Variants in GALNT17 observed in about 807,000 individuals in gnomAD.
GALNT17 encodes the protein polypeptide N-acetylgalactosaminyltransferase 17.
GALNT17 carries 29 observed loss-of-function variants against 63.7 expected under a neutral mutation model. That is an observed-to-expected ratio of 0.46 (90% CI 0.34 to 0.62). The LOEUF (loss-of-function observed/expected upper bound fraction) is 0.62. Among genes scored for constraint, GALNT17 ranks in the 20% least tolerant of loss-of-function variants. The probability of loss-of-function intolerance (pLI) is 0.01; values close to 1 mark genes in which losing one functional copy is unlikely to be tolerated. For missense variants in GALNT17, 603 were observed against 799.6 expected, an observed-to-expected ratio of 0.75 and a Z score of 2.97; for synonymous variants, 305 against 318.3, an observed-to-expected ratio of 0.96 and a Z score of 0.45.
intron 1 of GALNT17, among the ~76,000 whole-genome samples, chr7:71,261,526 G>A (rs10261734): frequency 0.011 from 1,642 of 152,332 alleles, 22 homozygotes; most frequent in African/African-American, 0.038. Flanking sequence ...AGTGTCAAGA[G>A]ATGCATAGCA....
intron 6 of GALNT17, among the ~76,000 whole-genome samples, chr7:71,662,900 G>T (rs940161789): frequency 5.3e-5 from 8 of 152,154 alleles, no homozygotes; most frequent in African/African-American, 1.9e-4. Flanking sequence ...TATGGTGTGA[G>T]GTAGGAGCCA....
intron 1 of GALNT17, among the ~76,000 whole-genome samples, chr7:71,179,357 T>C (rs1465028890): frequency 6.6e-6 from 1 of 152,248 alleles, no homozygotes; most frequent in East Asian, 1.9e-4. Flanking sequence ...TGTTGATTGA[T>C]GTCTCATGTC....
At chr7:71,631,960 C>A (rs1204801923) in intron 6 of GALNT17, among the ~76,000 whole-genome samples, 2 of 151,856 alleles carry the variant, frequency 1.3e-5, no homozygotes, top group Admixed American at 6.6e-5. Flanking sequence ...GTTGCCCAGG[C>A]TGGTCTCAAA....
intron 9 of GALNT17, among the ~76,000 whole-genome samples, chr7:71,689,199 C>T (rs73354172): frequency 0.052 from 7,925 of 152,100 alleles, 714 homozygotes; most frequent in African/African-American, 0.18. Flanking sequence ...TTCTATTCCC[C>T]GAGACACAGC....
chr7:71,682,173 C>T (rs484625), intron 9 of GALNT17, among the ~76,000 whole-genome samples: 1 of 151,920 alleles, frequency 6.6e-6, no homozygotes, highest in Non-Finnish European at 1.5e-5. Flanking sequence ...GTGATCCACC[C>T]ACCTTGGCCT....
chr7:71,218,031 A>C (rs17593356), intron 1 of GALNT17, among the ~76,000 whole-genome samples: 50,361 of 152,102 alleles, frequency 0.33, 9,325 homozygotes, highest in South Asian at 0.53. Context: ...GTATCGTGCA[A>C]CTTTCAAAAC....
intron 5 of GALNT17, among the ~76,000 whole-genome samples, chr7:71,555,896 T>C (rs1789156065): frequency 6.6e-6 from 1 of 152,208 alleles, no homozygotes; most frequent in African/African-American, 2.4e-5. Flanking sequence ...GCGCTTGAAA[T>C]CCGGGCTTAG....
At chr7:71,287,888 C>G (rs1032775553) in intron 1 of GALNT17, among the ~76,000 whole-genome samples, 6 of 151,590 alleles carry the variant, frequency 4.0e-5, no homozygotes, top group African/African-American at 1.5e-4. Context: ...CCCATCTCCA[C>G]TAAAAACACA....
At chr7:71,224,438 C>G (rs187736153) in intron 1 of GALNT17, among the ~76,000 whole-genome samples, 1 of 152,284 alleles carries the variant, frequency 6.6e-6, no homozygotes, top group East Asian at 1.9e-4. Context: ...GTCATCTAAA[C>G]AAATCATCTC....
At chr7:71,323,267 G>A (rs1791648468) in intron 1 of GALNT17, among the ~76,000 whole-genome samples, 1 of 152,158 alleles carries the variant, frequency 6.6e-6, no homozygotes, top group African/African-American at 2.4e-5. Context: ...GGAATGCAGT[G>A]TACCACAAGG....
intron 9 of GALNT17, among the ~76,000 whole-genome samples, chr7:71,681,682 G>A (rs931456771): frequency 3.3e-5 from 5 of 152,186 alleles, no homozygotes; most frequent in Admixed American, 2.0e-4. Context: ...AGACTTCTTT[G>A]TTCAATCTTC....
At chr7:71,267,497 G>C (rs1790512571) in intron 1 of GALNT17, among the ~76,000 whole-genome samples, 1 of 152,010 alleles carries the variant, frequency 6.6e-6, no homozygotes. Context: ...GCAGACACCA[G>C]TTTTCAAGCC....
intron 6 of GALNT17, among the ~76,000 whole-genome samples, chr7:71,602,089 TC>T (rs1177719202): frequency 2.6e-5 from 4 of 152,134 alleles, no homozygotes; most frequent in Non-Finnish European, 5.9e-5. Flanking sequence ...GCTCCCGACT[TC>T]CCCCGGGGCC....
At chr7:71,417,708 G>A in intron 4 of GALNT17, among the ~76,000 whole-genome samples, 1 of 152,272 alleles carries the variant, frequency 6.6e-6, no homozygotes, top group South Asian at 2.1e-4. Flanking sequence ...AAAGATTCAG[G>A]CGAATGTTCC....
intron 1 of GALNT17, among the ~76,000 whole-genome samples, chr7:71,211,175 G>C (rs763209143): frequency 6.6e-6 from 1 of 152,128 alleles, no homozygotes; most frequent in Non-Finnish European, 1.5e-5. Context: ...TTGAATTGTA[G>C]CTCCCAGAAT....
intron 6 of GALNT17, among the ~76,000 whole-genome samples, chr7:71,629,693 A>G (rs1175814615): frequency 6.6e-6 from 1 of 152,118 alleles, no homozygotes; most frequent in East Asian, 1.9e-4. Flanking sequence ...TATGCTGCCC[A>G]TGCTAGTCTT....
chr7:71,627,236 A>G (rs565372979), intron 6 of GALNT17, among the ~76,000 whole-genome samples: 2 of 152,272 alleles, frequency 1.3e-5, no homozygotes, highest in South Asian at 2.1e-4. Context: ...ACAAATATGT[A>G]TATGAGAAAG....
chr7:71,712,185 C>A lies in GALNT17; in HGVS notation c.*39C>A. ...GGGCACTGGAGCCTGGCCCCCAGGA[C>A]ATGGCTGCTCCCCCCAACATCTGGA... On this transcript the variant is annotated 3_prime_UTR_variant, in exon 11 of 11. Transcript: ENST00000333538. 2 of 1,594,932 alleles carry A rather than the reference C, an allele frequency of 1.3e-6. No homozygotes were observed. Among genetic ancestry groups the A allele is most frequent in the Non-Finnish European group, 1.7e-6 (2 of 1,170,272 alleles).
intron 6 of GALNT17, among the ~76,000 whole-genome samples, chr7:71,663,942 C>T (rs34644056): frequency 0.029 from 4,490 of 152,234 alleles, 77 homozygotes; most frequent in Middle Eastern, 0.065. Flanking sequence ...AGAACAGCCT[C>T]ACAGGCTCCT....
Sources: gnomAD v4.1 joint callset for allele counts (sites outside exome capture counted in the v4.1 genomes callset) on GRCh38, gnomAD v4.1.1 for gene constraint, MANE v1.5 for transcripts, NCBI Gene and HGNC (gene_info 2026-07-23, HGNC 2026-07-21) for gene names.